MBNL3: variants seen among roughly 807,000 people sequenced by gnomAD.
MBNL3 encodes the protein muscleblind-like protein 3.
MBNL3 carries 6 observed loss-of-function variants against 24.5 expected under a neutral mutation model. The ratio of observed to expected loss-of-function variants is 0.25; its 90% confidence interval spans 0.13 to 0.48. MBNL3 has a LOEUF of 0.48. Ranked by LOEUF, MBNL3 falls within the 20% of genes least tolerant of loss-of-function variation. The pLI is 0.99. For missense variants in MBNL3, 230 were observed against 293.5 expected (o/e 0.78, Z 1.58); for synonymous variants, 100 against 101.7 (o/e 0.98, Z 0.10).
chrX:132,404,537 ATAAT>A (rs1941473724), intron 3 of MBNL3, among the ~76,000 whole-genome samples: 1 of 112,375 alleles, frequency 8.9e-6, no homozygotes, highest in Non-Finnish European at 1.9e-5. Flanking sequence ...ATTTACCAAC[ATAAT>A]TAATCTGAGT....
At chrX:132,446,317 G>A (rs771726008) in intron 1 of MBNL3, among the ~76,000 whole-genome samples, 7 of 111,737 alleles carry the variant, frequency 6.3e-5, no homozygotes, top group Non-Finnish European at 1.3e-4. Context: ...ACCTAGTAAT[G>A]GGATTGCTGG....
chrX:132,414,810 G>A (rs1943147484), intron 2 of MBNL3, among the ~76,000 whole-genome samples: 1 of 111,262 alleles, frequency 9.0e-6, no homozygotes, highest in South Asian at 3.8e-4. Context: ...GTTTTCCTTA[G>A]TATTTTCATT....
intron 1 of MBNL3, among the ~76,000 whole-genome samples, chrX:132,465,731 C>T (rs953142709): frequency 1.1e-4 from 12 of 111,853 alleles, no homozygotes; most frequent in African/African-American, 3.9e-4. Context: ...AATGGTGACA[C>T]CAGTTCATTT....
At chrX:132,393,549 T>A (rs1386065184) in intron 3 of MBNL3, among the ~76,000 whole-genome samples, 1 of 111,465 alleles carries the variant, frequency 9.0e-6, no homozygotes, top group Non-Finnish European at 1.9e-5. Context: ...GTCAATGTGG[T>A]TTTATTCCTT....
At position 132,386,323 on chromosome X, in the gene MBNL3, A is replaced by T. The variant is rs765660056; in HGVS notation, c.922+338T>A. 9.0e-3 allele frequency among the ~76,000 whole-genome samples: 1,009 copies of T among 111,787 alleles called. 12 individuals carry two copies. Among genetic ancestry groups the T allele is most frequent in the African/African-American group, 0.031 (968 of 30,783 alleles). Reference sequence around the variant, plus strand: ...CGAAGCTGGGAGTTTTTGCCTTTTTATTTGACAGCACTCTACTGTCTGTGA... The same window carrying T: ...CGAAGCTGGGAGTTTTTGCCTTTTTTTTTGACAGCACTCTACTGTCTGTGA... On this transcript the variant is annotated intron_variant, in intron 6 of 8. Coordinates refer to ENST00000370853, the MANE Select transcript of MBNL3 (RefSeq NM_001386889.1).
In MBNL3 at chrX:132,396,959, CAT is replaced by C. The variant is rs1327467294; in HGVS notation, c.343-4627_343-4626del. ...ATTCATATATATATTCATATATATTCATATATATATGAATATATATGAATATA... is the reference window on the plus strand; with the variant it reads ...ATTCATATATATATTCATATATATTCATATATATGAATATATATGAATATA... On this transcript the variant is annotated intron_variant, in intron 3 of 8. Coordinates refer to ENST00000370853, the MANE Select transcript of MBNL3 (RefSeq NM_001386889.1). 4.9e-4 allele frequency among the ~76,000 whole-genome samples: 36 copies of C among 72,997 alleles called. 1 individual carries two copies. In the East Asian group the frequency reaches 5.1e-3, roughly 10 times the overall value. The allele number at this position is 72,997 out of a possible 115,157, so 63.4% of individuals were successfully genotyped here. A position where few individuals can be genotyped will look rare whatever the true frequency, so the allele number is the denominator to read the frequency against.
At chrX:132,486,703 T>G (rs765869773) in intron 1 of MBNL3, among the ~76,000 whole-genome samples, 2 of 112,430 alleles carry the variant, frequency 1.8e-5, no homozygotes, top group Non-Finnish European at 3.8e-5. Flanking sequence ...ATGTAACATT[T>G]ATTAAGCACC....
chrX:132,446,052 T>C (rs1945698444), intron 1 of MBNL3, among the ~76,000 whole-genome samples: 1 of 111,818 alleles, frequency 8.9e-6, no homozygotes. Context: ...AGTGTTTAGT[T>C]TTCTGTTCCT....
In MBNL3 at chrX:132,470,451, G is replaced by C. The variant is rs1947122068; in HGVS notation, c.-704+18400C>G. Among the ~76,000 whole-genome samples the C allele has an allele frequency of 4.5e-5, 5 of 110,841 alleles. No individual in the cohort carries two copies. In the Admixed American group the frequency reaches 4.8e-4, roughly 11 times the overall value. ...AGGAGAGTGAAATAGGAAAGTCCTA[G>C]GGAGCCAAATATCAGGGAAAAATCA... On this transcript the variant is annotated intron_variant, in intron 1 of 8. Coordinates refer to ENST00000370853, the MANE Select transcript of MBNL3 (RefSeq NM_001386889.1).
rs1933826991 is a variant in MBNL3 at position 132,373,507 on chromosome X, T to G, written c.*6159A>C. The stretch of plus-strand genomic sequence containing the variant: ...ATTCTAGCCAACTGGCCCTGAGGTA[T>G]TGGACAACTGTAAGGCTTGGATTGC... On this transcript the variant is annotated 3_prime_UTR_variant, in exon 9 of 9. Coordinates refer to ENST00000370853, the MANE Select transcript of MBNL3 (RefSeq NM_001386889.1). 9.0e-6 allele frequency: 1 copy of G among 111,640 alleles called. No individual in the cohort carries two copies. Among genetic ancestry groups the G allele is most frequent in the Non-Finnish European group, 1.9e-5 (1 of 52,987 alleles). 9.2% of individuals were successfully genotyped at this position (111,640 alleles called of 1,213,427 possible). A position where few individuals can be genotyped will look rare whatever the true frequency, so the allele number is the denominator to read the frequency against.
chrX:132,392,437 T>C, intron 3 of MBNL3, 103 bp from the exon 4 acceptor site: 2 of 658,466 alleles, frequency 3.0e-6, no homozygotes, highest in Non-Finnish European at 4.3e-6. Flanking sequence ...TTATGCCACA[T>C]CAAAATTTAC....
intron 3 of MBNL3, among the ~76,000 whole-genome samples, chrX:132,393,253 A>T (rs1202766559): frequency 3.6e-5 from 4 of 110,592 alleles, no homozygotes; most frequent in Non-Finnish European, 7.6e-5. Flanking sequence ...GTCTTTATCC[A>T]GGGGGCCAGA....
At position 132,376,557 on chromosome X, in the gene MBNL3, GATAA is replaced by G. The variant is rs1934165378; in HGVS notation, c.*3105_*3108del. 1 of 110,759 alleles carries G rather than the reference GATAA, an allele frequency of 9.0e-6. No homozygotes were observed. The highest frequency in any genetic ancestry group is 1.9e-5 in the Non-Finnish European group (1 of 52,748). 9.1% of individuals were successfully genotyped at this position (110,759 alleles called of 1,213,427 possible). A position where few individuals can be genotyped will look rare whatever the true frequency, so the allele number is the denominator to read the frequency against. On this transcript the variant is annotated 3_prime_UTR_variant, in exon 9 of 9. Coordinates refer to ENST00000370853, the MANE Select transcript of MBNL3 (RefSeq NM_001386889.1). ...AAAATGGACAAAAACAATAAATTTG[GATAA>G]ATAGAGGCCCCTGTAAAATACAAAG... is the stretch of plus-strand genomic sequence containing the variant.
intron 1 of MBNL3, among the ~76,000 whole-genome samples, chrX:132,484,333 G>T (rs1172377132): frequency 8.9e-6 from 1 of 112,337 alleles, no homozygotes; most frequent in Non-Finnish European, 1.9e-5. Flanking sequence ...AAGTTAGAAA[G>T]ATTAATCTAG....
chrX:132,460,773 G>C (rs1273022978), intron 1 of MBNL3, among the ~76,000 whole-genome samples: 1 of 110,887 alleles, frequency 9.0e-6, no homozygotes, highest in Non-Finnish European at 1.9e-5. Flanking sequence ...GAATTCTATA[G>C]TGGTGAATTC....
intron 1 of MBNL3, among the ~76,000 whole-genome samples, chrX:132,467,193 A>G (rs1224030285): frequency 1.8e-5 from 2 of 111,764 alleles, no homozygotes; most frequent in Non-Finnish European, 3.8e-5. Flanking sequence ...GAAGCCAACT[A>G]GGAGAAAGCA....
chrX:132,399,804 TAA>T (rs199556571), intron 3 of MBNL3, among the ~76,000 whole-genome samples: 49 of 91,370 alleles, frequency 5.4e-4, no homozygotes, highest in Admixed American at 7.3e-4. Flanking sequence ...AACCTGCAGG[TAA>T]AAAAAAAAAA....
chrX:132,462,685 T>G (rs1461037660), intron 1 of MBNL3, among the ~76,000 whole-genome samples: 1 of 108,753 alleles, frequency 9.2e-6, no homozygotes, highest in Non-Finnish European at 1.9e-5. Context: ...TATGTGTGTG[T>G]GTGTGCATGC....
chrX:132,410,706 TAACATACTTACATGCACA>T (rs1056260097), intron 2 of MBNL3, among the ~76,000 whole-genome samples: 2 of 112,538 alleles, frequency 1.8e-5, no homozygotes, highest in African/African-American at 6.5e-5. Flanking sequence ...TGCCCCACTG[TAACATACTTACATGCACA>T]GACATGGCTT....
Sources: allele counts gnomAD v4.1 joint callset (sites outside exome capture counted in the v4.1 genomes callset), GRCh38; gene constraint gnomAD v4.1.1; transcripts MANE v1.5; gene names NCBI Gene and HGNC (gene_info 2026-07-23, HGNC 2026-07-21).